NELL1: variants seen among roughly 807,000 people sequenced by gnomAD.
NELL1 encodes neural EGFL like 1, also known as protein kinase C-binding protein NELL1.
NELL1 carries 76 observed loss-of-function variants against 107.4 expected under a neutral mutation model. The ratio of observed to expected loss-of-function variants is 0.71; its 90% CI spans 0.59 to 0.86. The LOEUF (loss-of-function observed/expected upper bound fraction) is 0.86. Among genes scored for constraint, NELL1 ranks in the 40% least tolerant of loss-of-function variants. The pLI, the probability that NELL1 is intolerant of heterozygous loss-of-function variation, is 0.00. For synonymous variants in NELL1, 353 were observed against 341.2 expected, an observed-to-expected ratio of 1.03 and a Z score of -0.38; for missense variants, 1,024 against 1,005.5, an observed-to-expected ratio of 1.02 and a Z score of -0.25.
At chr11:21,343,919 C>T (rs1483573124) in intron 14 of NELL1, among the ~76,000 whole-genome samples, 3 of 152,104 alleles carry the variant, frequency 2.0e-5, no homozygotes, top group African/African-American at 7.2e-5. Flanking sequence ...GTGTACTATG[C>T]CCTCCAAATC....
At chr11:21,399,074 G>T (rs1160152827) in intron 15 of NELL1, among the ~76,000 whole-genome samples, 1 of 151,712 alleles carries the variant, frequency 6.6e-6, no homozygotes, top group Non-Finnish European at 1.5e-5. Flanking sequence ...GAGCTCAGCA[G>T]ATGTAACCCA....
At chr11:21,301,428 A>T (rs1849489859) in intron 14 of NELL1, among the ~76,000 whole-genome samples, 1 of 152,072 alleles carries the variant, frequency 6.6e-6, no homozygotes, top group East Asian at 1.9e-4. Context: ...CTTTTTAATG[A>T]TCGCCATTCT....
intron 13 of NELL1, among the ~76,000 whole-genome samples, chr11:21,216,182 T>C (rs1230503136): frequency 2.0e-5 from 3 of 152,124 alleles, no homozygotes; most frequent in African/African-American, 7.2e-5. Context: ...GTTAAGCCTG[T>C]AGGTGCACAG....
chr11:20,792,186 G>A (rs775513017), intron 3 of NELL1, among the ~76,000 whole-genome samples: 1 of 151,882 alleles, frequency 6.6e-6, no homozygotes, highest in Admixed American at 6.6e-5. Flanking sequence ...TGCATACCAC[G>A]TGCCAAACAT....
chr11:21,008,094 G>A (rs1483717502), intron 12 of NELL1, among the ~76,000 whole-genome samples: 1 of 152,108 alleles, frequency 6.6e-6, no homozygotes, highest in Non-Finnish European at 1.5e-5. Flanking sequence ...CTTGGTAAAA[G>A]AGGTTGGACT....
chr11:21,037,971 T>C (rs572226573), intron 12 of NELL1, among the ~76,000 whole-genome samples: 1 of 152,176 alleles, frequency 6.6e-6, no homozygotes, highest in Admixed American at 6.6e-5. Flanking sequence ...AAGAGAGATG[T>C]TTGTTGGTTG....
chr11:21,506,360 G>A (rs533115958), intron 15 of NELL1, among the ~76,000 whole-genome samples: 1 of 152,274 alleles, frequency 6.6e-6, no homozygotes, highest in South Asian at 2.1e-4. Flanking sequence ...CCAAGTCATG[G>A]TGCTCATTCA....
At chr11:20,846,246 G>A (rs1447542407) in intron 3 of NELL1, among the ~76,000 whole-genome samples, 1 of 152,078 alleles carries the variant, frequency 6.6e-6, no homozygotes, top group Non-Finnish European at 1.5e-5. Flanking sequence ...GCCCTTCACT[G>A]TTTACTTTGG....
chr11:21,340,087 T>C (rs1452797436), intron 14 of NELL1, among the ~76,000 whole-genome samples: 14 of 152,222 alleles, frequency 9.2e-5, no homozygotes. Context: ...GCTACTTTCT[T>C]GGAAAGCTTT....
intron 15 of NELL1, among the ~76,000 whole-genome samples, chr11:21,529,320 C>T (rs1343434400): frequency 6.6e-6 from 1 of 152,182 alleles, no homozygotes; most frequent in Non-Finnish European, 1.5e-5. Context: ...AACTAGAGCT[C>T]AGCCACATGA....
chr11:21,458,580 C>T (rs78858685), intron 15 of NELL1, among the ~76,000 whole-genome samples: 8,925 of 152,054 alleles, frequency 0.059, 562 homozygotes, highest in East Asian at 0.17. Flanking sequence ...AGAAAATGTT[C>T]TTGTAATATA....
intron 14 of NELL1, among the ~76,000 whole-genome samples, chr11:21,259,340 GC>G (rs761380756): frequency 3.3e-5 from 5 of 151,892 alleles, no homozygotes; most frequent in Non-Finnish European, 5.9e-5. Flanking sequence ...GTCAGGGAAG[GC>G]TTTAGAGAAG....
At chr11:20,816,618 G>A (rs1365047103) in intron 3 of NELL1, among the ~76,000 whole-genome samples, 1 of 151,972 alleles carries the variant, frequency 6.6e-6, no homozygotes, top group Non-Finnish European at 1.5e-5. Flanking sequence ...TTTCATATTT[G>A]GATGCTTTTT....
At chr11:20,960,702 T>C in intron 12 of NELL1, 142 bp downstream of exon 12, 3 of 956,820 alleles carry the variant, frequency 3.1e-6, no homozygotes, top group Non-Finnish European at 4.7e-6. Flanking sequence ...TGCTGAGGGT[T>C]CTCTGTTCTC....
In NELL1 at chr11:20,783,816, A is replaced by T; in HGVS notation, c.321A>T (p.Arg107=). The change falls in exon 3 of 20, where the codon CGA becomes CGT. Residue 107 remains arginine, a synonymous_variant. Transcript: ENST00000357134. ...PSTSGVILSI[R]ELEHSYFELE... is the part of the protein sequence containing the mutation. ...CTTCAGGAGTGATACTGTCCATTCG[A>T]GAACTGGAGCACAGGTAAGAAAGCT... The T allele has an allele frequency of 1.2e-6, 2 of 1,612,350 alleles. No individual in the cohort carries two copies. The highest frequency in any genetic ancestry group is 1.7e-6 in the Non-Finnish European group (2 of 1,179,282).
At chr11:20,735,035 T>C (rs910836412) in intron 2 of NELL1, among the ~76,000 whole-genome samples, 1 of 152,134 alleles carries the variant, frequency 6.6e-6, no homozygotes, top group Non-Finnish European at 1.5e-5. Flanking sequence ...AGGCCTAGAC[T>C]GATCCCGGGA....
intron 13 of NELL1, among the ~76,000 whole-genome samples, chr11:21,128,967 C>T (rs1443505360): frequency 6.6e-6 from 1 of 152,226 alleles, no homozygotes; most frequent in Non-Finnish European, 1.5e-5. Flanking sequence ...CAAAGTAGCA[C>T]TCACATGTTG....
intron 15 of NELL1, among the ~76,000 whole-genome samples, chr11:21,432,929 C>G (rs942069822): frequency 6.6e-6 from 1 of 152,102 alleles, no homozygotes; most frequent in African/African-American, 2.4e-5. Context: ...TGTATTCAGC[C>G]TACAGTGGTA....
rs145120373 is a variant in NELL1 at position 21,425,971 on chromosome 11, A to G, written c.1645+55023A>G. 5.1e-3 allele frequency among the ~76,000 whole-genome samples: 774 copies of G among 152,312 alleles called. 5 individuals are homozygous for G. The highest frequency in any genetic ancestry group is 8.5e-3 in the Non-Finnish European group (575 of 68,020). On this transcript the variant is annotated intron_variant, in intron 15 of 19. Transcript: ENST00000357134. ...AGGTAAATGCCAAGAAAATGTAGCT[A>G]AAAGAGTGAAATATGCTGGCTTTTA...
Sources: gnomAD v4.1 joint callset for allele counts (sites outside exome capture counted in the v4.1 genomes callset) on GRCh38, gnomAD v4.1.1 for gene constraint, MANE v1.5 for transcripts, NCBI Gene and HGNC (gene_info 2026-07-23, HGNC 2026-07-21) for gene names.